Variants in EPHA6 observed in about 807,000 individuals in gnomAD.
The protein encoded by EPHA6 is ephrin type-A receptor 6.
A neutral mutation model predicts 112.0 loss-of-function variants in EPHA6; 50 were observed. The observed-to-expected ratio is 0.45, with a 90% confidence interval of 0.36 to 0.56. The LOEUF is 0.56. Ranked by LOEUF, EPHA6 falls within the 20% of genes least tolerant of loss-of-function variation. The probability of loss-of-function intolerance (pLI) is 0.00; values close to 1 mark genes in which losing one functional copy is unlikely to be tolerated. For missense variants in EPHA6, 1,280 were observed against 1,417.4 expected (o/e 0.90, Z 1.56); for synonymous variants, 529 against 490.7 (o/e 1.08, Z -1.03).
At chr3:97,515,411 C>A (rs1002910541) in intron 10 of EPHA6, among the ~76,000 whole-genome samples, 1 of 152,062 alleles carries the variant, frequency 6.6e-6, no homozygotes, top group Non-Finnish European at 1.5e-5. Context: ...AACTGAGATT[C>A]GAAGACATTG....
At position 97,012,010 on chromosome 3, in the gene EPHA6, T is replaced by C. The variant is rs527844242; in HGVS notation, c.1114+24017T>C. ...TTTCTTTCTCTTTTTTGTGGCTGCA[T>C]AGTACTCCATGGTACATATATACCA... On this transcript the variant is annotated intron_variant, in intron 3 of 17. Transcript: ENST00000389672. 2.4e-4 allele frequency among the ~76,000 whole-genome samples: 37 copies of C among 152,312 alleles called. 1 individual carries two copies. The highest frequency in any genetic ancestry group is 6.5e-4 in the African/African-American group (27 of 41,576).
chr3:97,526,669 AG>A (rs1369638221), intron 10 of EPHA6, among the ~76,000 whole-genome samples: 2 of 152,170 alleles, frequency 1.3e-5, no homozygotes, highest in Non-Finnish European at 2.9e-5. Flanking sequence ...CTGTGACAGA[AG>A]GGCTGGTGCC....
intron 3 of EPHA6, among the ~76,000 whole-genome samples, chr3:97,026,845 G>A (rs1296794223): frequency 6.6e-6 from 1 of 152,100 alleles, no homozygotes; most frequent in Non-Finnish European, 1.5e-5. Context: ...TAGTGAGAGT[G>A]TAAATTAGTT....
At position 97,690,469 on chromosome 3, in the gene EPHA6, C is replaced by CT. The variant is rs149089843; in HGVS notation, c.2785-29778dup. Among the ~76,000 whole-genome samples the CT allele has an allele frequency of 7.1e-3, 1,008 of 142,386 alleles. 6 individuals are homozygous for CT. Among genetic ancestry groups the CT allele is most frequent in the African/African-American group, 0.014 (544 of 39,054 alleles). The allele number at this position is 142,386 out of a possible 152,430, so 93.4% of individuals were successfully genotyped here. ...TTTGGAACAATGTCTACTTTTCGCCCTTTTTTTTTTTTTTGGAGACAGAGT... is the reference window on the plus strand; with the variant it reads ...TTTGGAACAATGTCTACTTTTCGCCCTTTTTTTTTTTTTTTGGAGACAGAGT... On this transcript the variant is annotated intron_variant, in intron 14 of 17. Coordinates refer to ENST00000389672, the MANE Select transcript of EPHA6 (RefSeq NM_001080448.3).
chr3:96,888,216 A>T (rs566917560), intron 2 of EPHA6, among the ~76,000 whole-genome samples: 109 of 152,228 alleles, frequency 7.2e-4, no homozygotes, highest in African/African-American at 2.5e-3. Flanking sequence ...GGTGCCAGGC[A>T]GGAATGGCCT....
chr3:97,751,483 A>T lies in EPHA6; in HGVS notation c.*2782A>T, dbSNP rs1442997121. On this transcript the variant is annotated 3_prime_UTR_variant, in exon 18 of 18. Transcript: ENST00000389672. ...CTTCATTATGGTTATGGCAACATTG[A>T]AACATGTGTGCAAGATTAAACAGAA... Among the ~76,000 whole-genome samples the T allele has an allele frequency of 1.3e-5, 2 of 152,114 alleles. No homozygotes were observed. The highest frequency in any genetic ancestry group is 2.4e-5 in the African/African-American group (1 of 41,448).
intron 3 of EPHA6, among the ~76,000 whole-genome samples, chr3:97,108,425 C>G (rs1446001691): frequency 2.6e-5 from 4 of 152,150 alleles, no homozygotes; most frequent in African/African-American, 9.6e-5. Context: ...TGAGCTGCAG[C>G]AAATGGCACA....
chr3:97,131,659 T>G (rs1387541649), intron 3 of EPHA6, among the ~76,000 whole-genome samples: 1 of 152,146 alleles, frequency 6.6e-6, no homozygotes, highest in Non-Finnish European at 1.5e-5. Flanking sequence ...AGATGCCTTG[T>G]GTATTATCTA....
At chr3:96,866,724 TG>T (rs1321764711) in intron 1 of EPHA6, 100 bp from the exon 2 acceptor site, 11 of 586,102 alleles carry the variant, frequency 1.9e-5, no homozygotes, top group Non-Finnish European at 2.9e-5. Flanking sequence ...TAATAGTAAG[TG>T]TAATTGACAT....
intron 11 of EPHA6, among the ~76,000 whole-genome samples, chr3:97,588,078 G>C (rs1186784121): frequency 1.3e-5 from 2 of 152,008 alleles, no homozygotes; most frequent in Non-Finnish European, 1.5e-5. Context: ...GTATCAACTA[G>C]TATGATATTG....
chr3:97,592,147 G>A (rs1247624960), intron 11 of EPHA6, among the ~76,000 whole-genome samples: 4 of 152,158 alleles, frequency 2.6e-5, no homozygotes, highest in African/African-American at 9.7e-5. Flanking sequence ...ATTACTGCAT[G>A]ATGTAAAAGT....
At chr3:97,369,632 C>T (rs2108973724) in intron 5 of EPHA6, among the ~76,000 whole-genome samples, 1 of 152,208 alleles carries the variant, frequency 6.6e-6, no homozygotes, top group East Asian at 1.9e-4. Context: ...TTTTCCATTC[C>T]TTGCTCACGG....
intron 1 of EPHA6, among the ~76,000 whole-genome samples, chr3:96,850,875 G>A (rs555615405): frequency 6.6e-6 from 1 of 151,708 alleles, no homozygotes; most frequent in Non-Finnish European, 1.5e-5. Context: ...AGTAAAAGTG[G>A]CAGAAAATAA....
At chr3:97,058,948 A>C (rs2045935532) in intron 3 of EPHA6, among the ~76,000 whole-genome samples, 1 of 152,122 alleles carries the variant, frequency 6.6e-6, no homozygotes, top group Non-Finnish European at 1.5e-5. Flanking sequence ...TAACCTCAAG[A>C]GCTTGGGTTA....
At chr3:97,152,591 G>A (rs1157697203) in intron 3 of EPHA6, among the ~76,000 whole-genome samples, 3 of 151,920 alleles carry the variant, frequency 2.0e-5, no homozygotes. Flanking sequence ...TCAATAATAT[G>A]CAGAATTAGA....
At chr3:97,390,221 C>T (rs1034431026) in intron 5 of EPHA6, among the ~76,000 whole-genome samples, 20 of 152,032 alleles carry the variant, frequency 1.3e-4, no homozygotes, top group African/African-American at 4.3e-4. Flanking sequence ...GAAACAATGG[C>T]AGTGAATTTG....
At position 97,754,804 on chromosome 3, in the gene EPHA6, C is replaced by T. The variant is rs2035986074; in HGVS notation, c.*6103C>T. 6.6e-6 allele frequency among the ~76,000 whole-genome samples: 1 copy of T among 152,092 alleles called. No individual in the cohort carries two copies. The highest frequency in any genetic ancestry group is 1.5e-5 in the Non-Finnish European group (1 of 68,012). Reference sequence around the variant, plus strand: ...CTGCTAACTCCGCCTCCCGGGTTCACGCCATTCTCCTGCCTCAGTCTCCAG... The same window carrying T: ...CTGCTAACTCCGCCTCCCGGGTTCATGCCATTCTCCTGCCTCAGTCTCCAG... On this transcript the variant is annotated 3_prime_UTR_variant, in exon 18 of 18. Transcript: ENST00000389672.
rs1193027928 is a variant in EPHA6 at position 97,759,470 on chromosome 3, A to G, written c.*10769A>G. 2 of 229,638 alleles carry G rather than the reference A, an allele frequency of 8.7e-6. No individual in the cohort carries two copies. The highest frequency in any genetic ancestry group is 1.7e-5 in the Non-Finnish European group (2 of 115,834). 14.2% of individuals were successfully genotyped at this position (229,638 alleles called of 1,614,324 possible). A position where few individuals can be genotyped will look rare whatever the true frequency, so the allele number is the denominator to read the frequency against. ...TCTTGTTTTTTAAGGATGCTACAGC[A>G]TATTTATCTACTAATGAAAATGACT... On this transcript the variant is annotated 3_prime_UTR_variant, in exon 18 of 18. Transcript: ENST00000389672.
chr3:97,043,522 A>G (rs2045394356), intron 3 of EPHA6, among the ~76,000 whole-genome samples: 1 of 152,166 alleles, frequency 6.6e-6, no homozygotes, highest in African/African-American at 2.4e-5. Context: ...CTAAGAGAAC[A>G]CTAACGGATC....
Sources: gnomAD v4.1 joint callset for allele counts (sites outside exome capture counted in the v4.1 genomes callset) on GRCh38, gnomAD v4.1.1 for gene constraint, MANE v1.5 for transcripts, NCBI Gene and HGNC (gene_info 2026-07-23, HGNC 2026-07-21) for gene names.